Variants in UGT2A1 observed in about 807,000 individuals in gnomAD.
UGT2A1 encodes the protein UDP-glucuronosyltransferase 2A1.
In UGT2A1, 61 loss-of-function variants were observed where a neutral mutation model predicts 45.4. That is an observed-to-expected ratio of 1.34 (90% confidence interval 1.09 to 1.66). The LOEUF (loss-of-function observed/expected upper bound fraction) is 1.66, where lower values mean the gene tolerates loss of function less well. Among genes scored for constraint, UGT2A1 ranks in the 40% most tolerant of loss-of-function variants. UGT2A1 has a pLI of 0.00. For missense variants in UGT2A1, 649 were observed against 574.3 expected (o/e 1.13, Z -1.33); for synonymous variants, 229 against 196.2 (o/e 1.17, Z -1.40).
chr4:69,610,104 T>C (rs1445236864), intron 3 of UGT2A1, among the ~76,000 whole-genome samples: 1 of 152,116 alleles, frequency 6.6e-6, no homozygotes, highest in Non-Finnish European at 1.5e-5. Context: ...CAGCAAAACT[T>C]TACACTCATG....
intron 3 of UGT2A1, among the ~76,000 whole-genome samples, chr4:69,621,482 T>C (rs1720753238): frequency 6.6e-6 from 1 of 151,848 alleles, no homozygotes; most frequent in African/African-American, 2.4e-5. Context: ...TTAGCTTTTA[T>C]TAAAAAGTAA....
intron 2 of UGT2A1, chr4:69,638,793 T>A: frequency 7.3e-7 from 1 of 1,361,646 alleles, no homozygotes; most frequent in South Asian, 1.6e-5. Context: ...AAGAAGTCCA[T>A]TATCTTCAGC....
In UGT2A1 at chr4:69,608,767, C is replaced by T. The variant is rs185007907; in HGVS notation, c.848-9373G>A. Among the ~76,000 whole-genome samples, 132 of 152,224 alleles carry T rather than the reference C, an allele frequency of 8.7e-4. 4 individuals carry two copies. The East Asian group carries it at 0.016, about 18-fold the overall frequency. ...CTGGAGTGCAGTGGCGCCATCTCAG[C>T]TCACTGCAACCTCTGCCTCCTGGGT... On this transcript the variant is annotated intron_variant, in intron 3 of 6. Transcript: ENST00000286604.
intron 4 of UGT2A1, chr4:69,596,409 A>C: frequency 1.3e-6 from 2 of 1,532,932 alleles, no homozygotes; most frequent in Non-Finnish European, 1.8e-6. Context: ...TTTCTATTAC[A>C]AAGGTGTAGC....
chr4:69,649,182 T>C (rs1722411012), intron 1 of UGT2A1, among the ~76,000 whole-genome samples: 1 of 152,126 alleles, frequency 6.6e-6, no homozygotes, highest in Non-Finnish European at 1.5e-5. Flanking sequence ...TTCTAAGCTC[T>C]CCCATCACCA....
intron 2 of UGT2A1, among the ~76,000 whole-genome samples, chr4:69,641,605 C>T (rs1433307221): frequency 1.3e-5 from 2 of 151,820 alleles, no homozygotes; most frequent in South Asian, 2.1e-4. Flanking sequence ...ACCTAATTCT[C>T]TAAAAGCTTA....
chr4:69,639,076 C>G, intron 2 of UGT2A1: 1 of 1,613,406 alleles, frequency 6.2e-7, no homozygotes. Context: ...CAGTGTCTCT[C>G]CACTGTTGAT....
chr4:69,646,286 A>G (rs1233285068), intron 2 of UGT2A1, among the ~76,000 whole-genome samples: 1 of 151,802 alleles, frequency 6.6e-6, no homozygotes, highest in East Asian at 1.9e-4. Context: ...TATGTGTATA[A>G]ATGTATCAAC....
At chr4:69,590,531 G>A (rs1280741948) in intron 6 of UGT2A1, among the ~76,000 whole-genome samples, 5 of 152,048 alleles carry the variant, frequency 3.3e-5, no homozygotes, top group South Asian at 2.1e-4. Flanking sequence ...GAGATGTCCC[G>A]GTGTTGGCAG....
rs150102749 is a variant in UGT2A1, at chr4:69,593,261, T to C, written c.1304+1216A>G. 8.5e-3 allele frequency among the ~76,000 whole-genome samples: 1,289 copies of C among 152,116 alleles called. 25 individuals are homozygous for C. Among genetic ancestry groups the C allele is most frequent in the African/African-American group, 0.028 (1,155 of 41,532 alleles). On this transcript the variant is annotated intron_variant, in intron 6 of 6. Coordinates refer to ENST00000286604, the MANE Select transcript of UGT2A1 (RefSeq NM_001252275.3). ...ATATTTTGGAATAAATAATCTCTAA[T>C]TCAACGGTGAACACTGAGTCCCTTA...
chr4:69,594,889 C>A (rs149978147), intron 5 of UGT2A1, among the ~76,000 whole-genome samples, 193 bp from the exon 6 acceptor site: 2 of 152,120 alleles, frequency 1.3e-5, no homozygotes, highest in African/African-American at 2.4e-5. Context: ...ACAGCATTTG[C>A]ATTTTCTGGG....
At chr4:69,640,665 G>A (rs1432335) in intron 2 of UGT2A1, among the ~76,000 whole-genome samples, 123,309 of 151,788 alleles carry the variant, frequency 0.81, 50,239 homozygotes, top group South Asian at 0.85. Flanking sequence ...CAGATTTTAA[G>A]TTTATACTCA....
At chr4:69,648,665 T>C (rs1381229490) in intron 1 of UGT2A1, among the ~76,000 whole-genome samples, 1 of 152,054 alleles carries the variant, frequency 6.6e-6, no homozygotes, top group African/African-American at 2.4e-5. Flanking sequence ...TAATTTGCCA[T>C]GTTCCTACAG....
In UGT2A1 at chr4:69,589,272, A is replaced by G. The variant is rs536799448; in HGVS notation, c.*100T>C. The stretch of plus-strand genomic sequence containing the variant: ...AGAAAATTTGGAAACAGGATGGGAG[A>G]CGTGTTTTTGTTAAACTCCTTTTGT... On this transcript the variant is annotated 3_prime_UTR_variant, in exon 7 of 7. Transcript: ENST00000286604. 4.2e-5 allele frequency: 57 copies of G among 1,368,474 alleles called. No homozygotes were observed. In the Middle Eastern group the frequency reaches 8.1e-4, roughly 19 times the overall value. 84.8% of individuals were successfully genotyped at this position (1,368,474 alleles called of 1,614,324 possible). A position where few individuals can be genotyped will look rare whatever the true frequency, so the allele number is the denominator to read the frequency against.
chr4:69,650,714 G>A (rs920283147), intron 1 of UGT2A1, among the ~76,000 whole-genome samples: 12 of 152,020 alleles, frequency 7.9e-5, no homozygotes, highest in Non-Finnish European at 2.9e-5. Flanking sequence ...TAAAAGTGAC[G>A]TTTAAAAATA....
intron 3 of UGT2A1, among the ~76,000 whole-genome samples, chr4:69,634,190 A>T (rs999218128): frequency 3.3e-5 from 5 of 152,114 alleles, no homozygotes; most frequent in Non-Finnish European, 5.9e-5. Flanking sequence ...GCTTGCAGTG[A>T]GCCGAGATCG....
At chr4:69,638,369 C>T (rs1283458396) in intron 2 of UGT2A1, among the ~76,000 whole-genome samples, 1 of 152,062 alleles carries the variant, frequency 6.6e-6, no homozygotes, top group Non-Finnish European at 1.5e-5. Context: ...AGGCTGGCCA[C>T]AGGATAGAGA....
At chr4:69,636,572 CA>C (rs1305564440) in intron 2 of UGT2A1, among the ~76,000 whole-genome samples, 8 of 152,144 alleles carry the variant, frequency 5.3e-5, no homozygotes, top group African/African-American at 1.9e-4. Context: ...TGCTGTTTTA[CA>C]AAGCCTTTTT....
At chr4:69,605,283 A>C (rs1024171506) in intron 3 of UGT2A1, among the ~76,000 whole-genome samples, 2 of 137,130 alleles carry the variant, frequency 1.5e-5, no homozygotes, top group African/African-American at 5.9e-5. Flanking sequence ...AAAACCGCTC[A>C]ACTACATGGA....
Sources: gnomAD v4.1 joint callset for allele counts (sites outside exome capture counted in the v4.1 genomes callset) on GRCh38, gnomAD v4.1.1 for gene constraint, MANE v1.5 for transcripts, NCBI Gene and HGNC (gene_info 2026-07-23, HGNC 2026-07-21) for gene names.